Variants in DDX19A observed in about 807,000 individuals in gnomAD.
DDX19A encodes DEAD-box helicase 19A.
Under a neutral mutation model 60.6 loss-of-function variants are expected in DDX19A, and 12 were observed. The observed-to-expected ratio is 0.20, with a 90% confidence interval of 0.13 to 0.32. The LOEUF (loss-of-function observed/expected upper bound fraction) is 0.32, where lower values mean the gene tolerates loss of function less well. Ranked by LOEUF, DDX19A falls within the 10% of genes least tolerant of loss-of-function variation. The pLI, the probability that DDX19A is intolerant of heterozygous loss-of-function variation, is 1.00. For missense variants in DDX19A, 337 were observed against 600.6 expected (o/e 0.56, Z 4.59); for synonymous variants, 206 against 218.2 (o/e 0.94, Z 0.49).
At position 70,350,572 on chromosome 16, in the gene DDX19A, A is replaced by C. The variant is rs1208217997; in HGVS notation, c.73A>C (p.Ile25Leu). The change falls in exon 2 of 12, where the codon ATC (isoleucine) becomes CTC (leucine). Residue 25 changes from isoleucine (I) to leucine (L), a missense_variant. Ile to Leu is a conservative substitution (Grantham distance 5). Coordinates refer to ENST00000302243, the MANE Select transcript of DDX19A (RefSeq NM_018332.5). ...TTCTATTCAGATGACCAATTTGCAG[A>C]TCAAGGAAGAGAAAGTCAAAGCAGA... The part of the protein sequence containing the change: ...AAVKSMTNLQ[I>L]KEEKVKADTN... The C allele has an allele frequency of 1.2e-6, 2 of 1,612,444 alleles. No homozygotes were observed. Among genetic ancestry groups the C allele is most frequent in the Admixed American group, 3.4e-5 (2 of 59,654 alleles).
chr16:70,362,665 C>G (rs180766444), intron 5 of DDX19A, among the ~76,000 whole-genome samples: 1 of 152,074 alleles, frequency 6.6e-6, no homozygotes, highest in Non-Finnish European at 1.5e-5. Flanking sequence ...GCAGCCTCGA[C>G]CTCCTGGGCT....
chr16:70,370,295 G>A lies in DDX19A; in HGVS notation c.1093G>A (p.Glu365Lys). The A allele has an allele frequency of 6.2e-7, 1 of 1,614,190 alleles. No homozygotes were observed. Among genetic ancestry groups the A allele is most frequent in the Non-Finnish European group, 8.5e-7 (1 of 1,180,026 alleles). Residue 365 changes from glutamate to lysine, a missense_variant, in exon 10 of 12, where the codon GAG becomes AAG. Physicochemically the swap from Glu to Lys is moderately conservative, Grantham distance 56. Coordinates refer to ENST00000302243, the MANE Select transcript of DDX19A (RefSeq NM_018332.5). ...EGHQVALLSG[E>K]MMVEQRAAVI... Reference sequence around the variant, plus strand: ...CCACCAGGTGGCTCTGCTGAGTGGGGAGATGATGGTGGAGCAGAGGGCTGC... The same window carrying A: ...CCACCAGGTGGCTCTGCTGAGTGGGAAGATGATGGTGGAGCAGAGGGCTGC...
chr16:70,350,105 C>G (rs1471836540), intron 1 of DDX19A, among the ~76,000 whole-genome samples: 1 of 151,882 alleles, frequency 6.6e-6, no homozygotes, highest in Non-Finnish European at 1.5e-5. Flanking sequence ...AGTTTGAGTT[C>G]AAGTAGGCAT....
Position 70,365,097 on chromosome 16 carries a change from A to C in DDX19A, c.570A>C (p.Glu190Asp). The part of the protein sequence containing the change: ...VIEQMGKFYP[E>D]LKLAYAVRGN... ...AGCAGATGGGCAAATTTTACCCAGA[A>C]CTGAAGCTTGCCTATGCCGTTCGAG... is the stretch of plus-strand genomic sequence containing the variant. Residue 190 changes from glutamate (E) to aspartate (D), a missense_variant, in exon 7 of 12, where the codon GAA becomes GAC. Glu to Asp is a conservative substitution (Grantham distance 45). Coordinates refer to ENST00000302243, the MANE Select transcript of DDX19A (RefSeq NM_018332.5). 6.2e-7 allele frequency: 1 copy of C among 1,614,102 alleles called. No individual in the cohort carries two copies. The highest frequency in any genetic ancestry group is 8.5e-7 in the Non-Finnish European group (1 of 1,179,958).
At chr16:70,358,510 AC>A (rs1964282043) in intron 4 of DDX19A, among the ~76,000 whole-genome samples, 4 of 148,052 alleles carry the variant, frequency 2.7e-5, no homozygotes, top group Admixed American at 2.0e-4. Context: ...ATGAGGTTTT[AC>A]CATGTTGCCC....
intron 10 of DDX19A, 151 bp from the exon 11 acceptor site, chr16:70,371,221 T>C: frequency 7.3e-7 from 1 of 1,371,550 alleles, no homozygotes; most frequent in Admixed American, 2.1e-5. Context: ...GTTGCCTGCC[T>C]ATATGTGTGC....
At chr16:70,357,291 A>C (rs928991000) in intron 4 of DDX19A, among the ~76,000 whole-genome samples, 1 of 140,910 alleles carries the variant, frequency 7.1e-6, no homozygotes, top group African/African-American at 2.6e-5. Flanking sequence ...ATATATATGT[A>C]TATTTAGACT....
chr16:70,364,389 AAAAT>A, intron 5 of DDX19A, 150 bp from the exon 6 acceptor site: 1 of 607,622 alleles, frequency 1.6e-6, no homozygotes, highest in Non-Finnish European at 3.0e-6. Context: ...AGCGTATAAA[AAAAT>A]GTATGAAAGT....
chr16:70,368,661 C>T (rs1385593910), intron 9 of DDX19A, among the ~76,000 whole-genome samples: 6 of 151,752 alleles, frequency 4.0e-5, no homozygotes, highest in Non-Finnish European at 8.8e-5. Flanking sequence ...ATTCTCCTAC[C>T]TCAACCTCCC....
chr16:70,352,340 A>G (rs1391624959), intron 2 of DDX19A, among the ~76,000 whole-genome samples: 1 of 143,382 alleles, frequency 7.0e-6, no homozygotes, highest in Non-Finnish European at 1.5e-5. Flanking sequence ...GCTGGAGTGC[A>G]GTGGTGCAAT....
At chr16:70,361,891 C>T (rs1964372451) in intron 5 of DDX19A, among the ~76,000 whole-genome samples, 1 of 151,922 alleles carries the variant, frequency 6.6e-6, no homozygotes, top group Admixed American at 6.6e-5. Flanking sequence ...ACAAAATTAG[C>T]TGGGCACGGT....
intron 4 of DDX19A, among the ~76,000 whole-genome samples, chr16:70,358,432 A>G (rs1477324619): frequency 1.3e-5 from 2 of 148,706 alleles, no homozygotes. Flanking sequence ...AGCCTCCAAA[A>G]TTGCTAGGAT....
chr16:70,361,068 T>G (rs1294944526), intron 4 of DDX19A, among the ~76,000 whole-genome samples: 1 of 152,216 alleles, frequency 6.6e-6, no homozygotes, highest in Admixed American at 6.6e-5. Context: ...CTTTTATAAT[T>G]TATGTAATGC....
chr16:70,368,604 G>T (rs1459953319), intron 9 of DDX19A, among the ~76,000 whole-genome samples: 3 of 149,632 alleles, frequency 2.0e-5, no homozygotes, highest in East Asian at 2.0e-4. Flanking sequence ...TTTTTAGACG[G>T]TCTCACTATC....
At chr16:70,353,140 T>TC (rs1491103617) in intron 2 of DDX19A, among the ~76,000 whole-genome samples, 1 of 151,782 alleles carries the variant, frequency 6.6e-6, no homozygotes, top group Non-Finnish European at 1.5e-5. Flanking sequence ...TTTTTTTTTT[T>TC]CTTTGAGATG....
chr16:70,359,863 G>A (rs552987356), intron 4 of DDX19A, among the ~76,000 whole-genome samples: 1 of 152,202 alleles, frequency 6.6e-6, no homozygotes, highest in Non-Finnish European at 1.5e-5. Flanking sequence ...GAAAGAAGTA[G>A]TTAGTGTTTG....
At chr16:70,360,565 C>T (rs530736605) in intron 4 of DDX19A, among the ~76,000 whole-genome samples, 8 of 152,046 alleles carry the variant, frequency 5.3e-5, no homozygotes, top group South Asian at 2.1e-4. Flanking sequence ...CGGTCTTGAA[C>T]GCCTGGACTC....
chr16:70,364,461 T>C (rs906274721), intron 5 of DDX19A, 82 bp from the exon 6 acceptor site: 4 of 1,060,826 alleles, frequency 3.8e-6, no homozygotes, highest in African/African-American at 1.6e-5. Context: ...GGGGGAAATA[T>C]GCCTTTCATT....
chr16:70,364,447 C>A, intron 5 of DDX19A, 96 bp from the exon 6 acceptor site: 3 of 940,926 alleles, frequency 3.2e-6, no homozygotes, highest in Non-Finnish European at 5.1e-6. Context: ...TAGAGAAGCA[C>A]GAAGGGGGAA....
Sources: gnomAD v4.1 joint callset for allele counts (sites outside exome capture counted in the v4.1 genomes callset) on GRCh38, gnomAD v4.1.1 for gene constraint, MANE v1.5 for transcripts, NCBI Gene and HGNC (gene_info 2026-07-23, HGNC 2026-07-21) for gene names.